CDH4: variants seen among roughly 807,000 people sequenced by gnomAD.
CDH4 encodes cadherin 4.
A neutral mutation model predicts 86.0 loss-of-function variants in CDH4; 33 were observed. The observed-to-expected ratio is 0.38, with a 90% confidence interval of 0.29 to 0.51. The LOEUF (loss-of-function observed/expected upper bound fraction) is 0.51. CDH4 is among the 20% of genes least tolerant of loss of function. The probability of loss-of-function intolerance (pLI) is 0.86; values close to 1 mark genes in which losing one functional copy is unlikely to be tolerated. For synonymous variants in CDH4, 555 were observed against 549.4 expected, an observed-to-expected ratio of 1.01 and a Z score of -0.14; for missense variants, 1,114 against 1,307.4, an observed-to-expected ratio of 0.85 and a Z score of 2.28.
intron 2 of CDH4, among the ~76,000 whole-genome samples, chr20:61,542,176 G>C (rs2086044554): frequency 1.3e-5 from 2 of 152,136 alleles, no homozygotes; most frequent in Non-Finnish European, 2.9e-5. Flanking sequence ...GAGATTTGGG[G>C]GCAGGTTGTT....
chr20:61,368,166 G>A (rs2084821323), intron 2 of CDH4, among the ~76,000 whole-genome samples: 1 of 152,110 alleles, frequency 6.6e-6, no homozygotes, highest in South Asian at 2.1e-4. Context: ...GCTGCGCCCG[G>A]CCTCTCCAGA....
chr20:61,494,479 G>A (rs62200943), intron 2 of CDH4, among the ~76,000 whole-genome samples: 7,227 of 152,268 alleles, frequency 0.047, 237 homozygotes, highest in Non-Finnish European at 0.068. Context: ...GGCTCAATTG[G>A]AAGGCTTTTC....
chr20:61,575,261 A>AGGTCTAAGCCTGTGT (rs2086374070), intron 2 of CDH4, among the ~76,000 whole-genome samples: 1 of 152,220 alleles, frequency 6.6e-6, no homozygotes, highest in Non-Finnish European at 1.5e-5. Context: ...TGGCAACGAC[A>AGGTCTAAGCCTGTGT]GGTCTAAGCC....
At chr20:61,716,479 C>A (rs1461087699) in intron 2 of CDH4, among the ~76,000 whole-genome samples, 7 of 152,254 alleles carry the variant, frequency 4.6e-5, no homozygotes, top group Non-Finnish European at 7.3e-5. Flanking sequence ...AGTGTCCCAT[C>A]CTCACTGGAG....
At chr20:61,304,122 T>G (rs2084401040) in intron 2 of CDH4, among the ~76,000 whole-genome samples, 1 of 152,184 alleles carries the variant, frequency 6.6e-6, no homozygotes, top group African/African-American at 2.4e-5. Flanking sequence ...CAGGCATTCC[T>G]TTCCTCAGCT....
rs1464673621 is a variant in CDH4 at position 61,923,546 on chromosome 20, C to T, written c.1470C>T (p.Ser490=). The stretch of plus-strand genomic sequence containing the variant: ...GCGGAATCCAGATGTCCTTCCAGTC[C>T]ACGGCAGGGGTGACCATCTCCATCA... ...LASGIQMSFQ[S]TAGVTISIMD... The change falls in exon 10 of 16, where the codon TCC becomes TCT. Residue 490 remains serine, a synonymous_variant. Transcript: ENST00000614565. The T allele has an allele frequency of 2.5e-6, 4 of 1,614,184 alleles. No individual in the cohort carries two copies. Among genetic ancestry groups the T allele is most frequent in the Non-Finnish European group, 2.5e-6 (3 of 1,180,028 alleles).
At chr20:61,670,944 T>C (rs2087379597) in intron 2 of CDH4, among the ~76,000 whole-genome samples, 1 of 152,164 alleles carries the variant, frequency 6.6e-6, no homozygotes, top group African/African-American at 2.4e-5. Context: ...GAAAACAGAC[T>C]CAGCCCTAAA....
At chr20:61,723,482 G>A (rs1034181004) in intron 2 of CDH4, among the ~76,000 whole-genome samples, 8 of 152,180 alleles carry the variant, frequency 5.3e-5, no homozygotes, top group African/African-American at 7.2e-5. Flanking sequence ...GCTCAAGGCA[G>A]GGTTGGCCTG....
chr20:61,318,860 C>A (rs1568795503), intron 2 of CDH4, among the ~76,000 whole-genome samples: 1 of 152,220 alleles, frequency 6.6e-6, no homozygotes, highest in East Asian at 1.9e-4. Context: ...TTCACAAATG[C>A]CCAGTCACCC....
chr20:61,790,727 CTCA>C (rs1307706200), intron 4 of CDH4, among the ~76,000 whole-genome samples: 1 of 150,786 alleles, frequency 6.6e-6, no homozygotes, highest in African/African-American at 2.4e-5. Context: ...CATCTCTCCA[CTCA>C]TCCTTTCATC....
At chr20:61,920,236 A>G (rs75669100) in intron 9 of CDH4, among the ~76,000 whole-genome samples, 20 of 101,134 alleles carry the variant, frequency 2.0e-4, no homozygotes, top group Non-Finnish European at 3.4e-4. Context: ...CGGTGATTGC[A>G]TGGAAGCGTG....
intron 4 of CDH4, among the ~76,000 whole-genome samples, chr20:61,788,258 C>T (rs1200725321): frequency 1.3e-5 from 2 of 151,988 alleles, no homozygotes; most frequent in African/African-American, 4.8e-5. Context: ...CATGGGGTCG[C>T]GGAGCTTCTG....
chr20:61,427,023 G>A (rs1313482501), intron 2 of CDH4, among the ~76,000 whole-genome samples: 2 of 152,188 alleles, frequency 1.3e-5, no homozygotes, highest in Non-Finnish European at 2.9e-5. Flanking sequence ...ACTGAAGTGA[G>A]AGTTGTATGT....
chr20:61,466,852 A>G (rs1479818088), intron 2 of CDH4, among the ~76,000 whole-genome samples: 1 of 151,222 alleles, frequency 6.6e-6, no homozygotes, highest in Non-Finnish European at 1.5e-5. Context: ...CGCTGCCTCA[A>G]ATAAATAAAT....
chr20:61,574,491 A>G lies in CDH4; in HGVS notation c.170-169072A>G, dbSNP rs1600772629. The stretch of plus-strand genomic sequence containing the variant: ...CACGTACAGATTCAACCTGACCCCC[A>G]CCCCCCTTTCTCCTTCCTGCCTTCT... On this transcript the variant is annotated intron_variant, in intron 2 of 15. Coordinates refer to ENST00000614565, the MANE Select transcript of CDH4 (RefSeq NM_001794.5). 2.0e-5 allele frequency among the ~76,000 whole-genome samples: 3 copies of G among 149,926 alleles called. No homozygotes were observed. The South Asian group carries it at 6.4e-4, about 32-fold the overall frequency.
intron 2 of CDH4, among the ~76,000 whole-genome samples, chr20:61,386,563 A>G (rs2084951934): frequency 6.6e-6 from 1 of 152,150 alleles, no homozygotes; most frequent in South Asian, 2.1e-4. Context: ...GGGAAGATGG[A>G]GGCGGTTTGG....
intron 9 of CDH4, among the ~76,000 whole-genome samples, chr20:61,919,281 G>C (rs571765377): frequency 6.6e-6 from 1 of 152,364 alleles, no homozygotes; most frequent in East Asian, 1.9e-4. Context: ...GTTCCTGCTT[G>C]GAAAGATCAG....
intron 2 of CDH4, among the ~76,000 whole-genome samples, chr20:61,610,578 T>C (rs908980531): frequency 2.6e-5 from 4 of 152,142 alleles, no homozygotes; most frequent in African/African-American, 9.7e-5. Flanking sequence ...GCCTCCGTGC[T>C]GTTCTGGAGG....
chr20:61,469,828 A>G (rs368353972), intron 2 of CDH4, among the ~76,000 whole-genome samples: 1 of 151,954 alleles, frequency 6.6e-6, no homozygotes, highest in South Asian at 2.1e-4. Context: ...TCTTTTCCCC[A>G]GTTTACGTTC....
Sources: gnomAD v4.1 joint callset for allele counts (sites outside exome capture counted in the v4.1 genomes callset) on GRCh38, gnomAD v4.1.1 for gene constraint, MANE v1.5 for transcripts, NCBI Gene and HGNC (gene_info 2026-07-23, HGNC 2026-07-21) for gene names.